CTNNA3: variants seen among roughly 807,000 people sequenced by gnomAD.
The protein encoded by CTNNA3 is catenin alpha 3.
Under a neutral mutation model 95.7 loss-of-function variants are expected in CTNNA3, and 76 were observed. The ratio of observed to expected loss-of-function variants is 0.79; its 90% CI spans 0.66 to 0.96. The LOEUF (loss-of-function observed/expected upper bound fraction) is 0.96, where lower values mean the gene tolerates loss of function less well. CTNNA3 is among the 40% of genes least tolerant of loss of function. The pLI is 0.00. For synonymous variants in CTNNA3, 431 were observed against 374.4 expected (o/e 1.15, Z -1.74); for missense variants, 1,191 against 1,089.8 (o/e 1.09, Z -1.31).
At chr10:66,920,288 A>G (rs569998144) in intron 7 of CTNNA3, among the ~76,000 whole-genome samples, 2 of 152,374 alleles carry the variant, frequency 1.3e-5, no homozygotes, top group Non-Finnish European at 2.9e-5. Context: ...CAGGTTTTAT[A>G]AGTCCCATTT....
At chr10:66,895,470 T>C (rs943604572) in intron 7 of CTNNA3, among the ~76,000 whole-genome samples, 1 of 152,192 alleles carries the variant, frequency 6.6e-6, no homozygotes, top group Admixed American at 6.5e-5. Flanking sequence ...ATATTAAAAA[T>C]TTCTTAATAT....
At chr10:66,995,064 C>T (rs1048872586) in intron 7 of CTNNA3, among the ~76,000 whole-genome samples, 1 of 152,148 alleles carries the variant, frequency 6.6e-6, no homozygotes, top group African/African-American at 2.4e-5. Flanking sequence ...AGATCTCTAG[C>T]CCAAGATGTG....
chr10:66,473,217 T>C (rs1839197452), intron 11 of CTNNA3, among the ~76,000 whole-genome samples: 1 of 151,960 alleles, frequency 6.6e-6, no homozygotes, highest in African/African-American at 2.4e-5. Flanking sequence ...TGAATTCTAA[T>C]CCCCATAATC....
rs937476347 is a variant in CTNNA3 at position 66,167,497 on chromosome 10, C to T, written c.1885-64248G>A. ...ATTTTAACGTCTTTTGAAGTTCCTA[C>T]TTAGAAGTAGGATCTTTAATTGACT... On this transcript the variant is annotated intron_variant, in intron 13 of 17. Transcript: ENST00000433211. Among the ~76,000 whole-genome samples the T allele has an allele frequency of 2.6e-5, 4 of 152,040 alleles. No individual in the cohort carries two copies. The East Asian group carries it at 5.8e-4, about 22-fold the overall frequency.
intron 2 of CTNNA3, among the ~76,000 whole-genome samples, chr10:67,645,312 C>T (rs1171292980): frequency 6.6e-6 from 1 of 152,032 alleles, no homozygotes; most frequent in East Asian, 1.9e-4. Context: ...CTATTAGTTT[C>T]AGTTAGAATA....
At position 66,649,359 on chromosome 10, in the gene CTNNA3, A is replaced by C. The variant is rs553395816; in HGVS notation, c.1282-27575T>G. Among the ~76,000 whole-genome samples, 3 of 152,306 alleles carry C rather than the reference A, an allele frequency of 2.0e-5. No individual in the cohort carries two copies. In the South Asian group the frequency reaches 6.2e-4, roughly 32 times the overall value. The stretch of plus-strand genomic sequence containing the variant: ...AACAAAAGTTCACAAGAGCTAAAGA[A>C]ACCATGTGAGAGATTACAGAAGCTG... On this transcript the variant is annotated intron_variant, in intron 9 of 17. Transcript: ENST00000433211.
At chr10:66,494,846 A>G (rs1265854658) in intron 11 of CTNNA3, among the ~76,000 whole-genome samples, 1 of 152,230 alleles carries the variant, frequency 6.6e-6, no homozygotes, top group Non-Finnish European at 1.5e-5. Flanking sequence ...TTATCCTGTC[A>G]CTTAGGAATT....
intron 9 of CTNNA3, among the ~76,000 whole-genome samples, chr10:66,628,636 G>T (rs1387141140): frequency 6.6e-6 from 1 of 152,054 alleles, no homozygotes; most frequent in Non-Finnish European, 1.5e-5. Context: ...TCTGAATTTA[G>T]AAATAAATGG....
At chr10:67,230,291 C>G (rs866340302) in intron 5 of CTNNA3, among the ~76,000 whole-genome samples, 1 of 152,144 alleles carries the variant, frequency 6.6e-6, no homozygotes, top group South Asian at 2.1e-4. Flanking sequence ...GAAACTGAAT[C>G]CTCATCTCTC....
intron 11 of CTNNA3, among the ~76,000 whole-genome samples, chr10:66,502,913 A>G (rs1840327769): frequency 6.6e-6 from 1 of 152,064 alleles, no homozygotes; most frequent in South Asian, 2.1e-4. Flanking sequence ...TACTCTTTTA[A>G]GTATATCACA....
At position 66,451,088 on chromosome 10, in the gene CTNNA3, A is replaced by T. The variant is rs146584254; in HGVS notation, c.1531+69529T>A. Among the ~76,000 whole-genome samples the T allele has an allele frequency of 4.7e-3, 711 of 152,246 alleles. 4 individuals are homozygous for T. The highest frequency in any genetic ancestry group is 7.6e-3 in the Non-Finnish European group (516 of 67,976). On this transcript the variant is annotated intron_variant, in intron 11 of 17. Coordinates refer to ENST00000433211, the MANE Select transcript of CTNNA3 (RefSeq NM_013266.4). ...CACACATACACACACATACACTCAC[A>T]TACACTTAAAGACTATGCCTTCACA...
chr10:66,451,712 G>A (rs1407941573), intron 11 of CTNNA3, among the ~76,000 whole-genome samples: 2 of 152,028 alleles, frequency 1.3e-5, no homozygotes, highest in East Asian at 3.8e-4. Context: ...AATTATGTGA[G>A]TTAAAATTGG....
chr10:67,651,059 G>A (rs1325153614), intron 1 of CTNNA3, among the ~76,000 whole-genome samples: 3 of 151,714 alleles, frequency 2.0e-5, no homozygotes, highest in African/African-American at 7.3e-5. Context: ...GTTCTTGTGG[G>A]ATGGCTTGGA....
chr10:67,731,002 G>C (rs1184585521), intron 1 of CTNNA3, among the ~76,000 whole-genome samples: 5 of 152,026 alleles, frequency 3.3e-5, no homozygotes, highest in African/African-American at 1.2e-4. Flanking sequence ...AAAGATATGG[G>C]AAAGGAACAA....
intron 11 of CTNNA3, among the ~76,000 whole-genome samples, chr10:66,498,948 A>G (rs1011764919): frequency 3.9e-5 from 6 of 152,184 alleles, no homozygotes; most frequent in African/African-American, 1.4e-4. Context: ...ATCATATACA[A>G]GTTTATTTGA....
intron 3 of CTNNA3, among the ~76,000 whole-genome samples, chr10:67,580,217 T>TC (rs1842334891): frequency 1.3e-5 from 2 of 152,224 alleles, no homozygotes; most frequent in African/African-American, 2.4e-5. Flanking sequence ...AATCCATTCT[T>TC]GAATTAATTT....
intron 13 of CTNNA3, among the ~76,000 whole-genome samples, chr10:66,232,364 A>T (rs577116394): frequency 6.6e-6 from 1 of 152,308 alleles, no homozygotes; most frequent in East Asian, 1.9e-4. Flanking sequence ...TGTACATAAA[A>T]ATCCCAGGAC....
At chr10:66,775,999 A>T (rs1349715112) in intron 7 of CTNNA3, among the ~76,000 whole-genome samples, 1 of 152,356 alleles carries the variant, frequency 6.6e-6, no homozygotes, top group Non-Finnish European at 1.5e-5. Context: ...TACAATTTGC[A>T]AAAGTTGACC....
chr10:66,843,902 C>T (rs980224590), intron 7 of CTNNA3, among the ~76,000 whole-genome samples: 4 of 152,252 alleles, frequency 2.6e-5, no homozygotes, highest in African/African-American at 4.8e-5. Flanking sequence ...TATTCACTAA[C>T]GGAAGATGAA....
Sources: gnomAD v4.1 joint callset for allele counts (sites outside exome capture counted in the v4.1 genomes callset) on GRCh38, gnomAD v4.1.1 for gene constraint, MANE v1.5 for transcripts, NCBI Gene and HGNC (gene_info 2026-07-23, HGNC 2026-07-21) for gene names.